CSMD2: variants seen among roughly 807,000 people sequenced by gnomAD.
The protein encoded by CSMD2 is CUB and sushi domain-containing protein 2.
A neutral mutation model predicts 398.5 loss-of-function variants in CSMD2; 130 were observed. The observed-to-expected ratio is 0.33, with a 90% CI of 0.28 to 0.38. The LOEUF is 0.38. Ranked by LOEUF, CSMD2 falls within the 10% of genes least tolerant of loss-of-function variation. The pLI is 1.00. For missense variants in CSMD2, 3,829 were observed against 4,764.9 expected (o/e 0.80, Z 5.78); for synonymous variants, 1,828 against 1,908.5 (o/e 0.96, Z 1.10).
chr1:34,153,393 T>C (rs1042805022), intron 1 of CSMD2, among the ~76,000 whole-genome samples: 17 of 152,262 alleles, frequency 1.1e-4, no homozygotes, highest in African/African-American at 4.1e-4. Flanking sequence ...ATTTCCTTGC[T>C]TTTTAAAGCT....
At chr1:33,539,607 G>A (rs1223667038) in intron 60 of CSMD2, among the ~76,000 whole-genome samples, 1 of 152,108 alleles carries the variant, frequency 6.6e-6, no homozygotes, top group Non-Finnish European at 1.5e-5. Context: ...GCTGAACTGT[G>A]GTTATCATTG....
chr1:33,835,583 C>A (rs1660124304), intron 6 of CSMD2, among the ~76,000 whole-genome samples: 1 of 126,898 alleles, frequency 7.9e-6, no homozygotes, highest in African/African-American at 3.3e-5. Context: ...AGCACACCAG[C>A]ATGGCACATG....
chr1:33,718,239 A>C (rs1224021411), intron 19 of CSMD2, among the ~76,000 whole-genome samples: 1 of 152,228 alleles, frequency 6.6e-6, no homozygotes. Flanking sequence ...GTAGTTAAGA[A>C]CAGCCAGGTA....
At chr1:33,750,034 G>A (rs1647998717) in intron 13 of CSMD2, among the ~76,000 whole-genome samples, 2 of 152,006 alleles carry the variant, frequency 1.3e-5, no homozygotes, top group Middle Eastern at 3.4e-3. Flanking sequence ...ATCAAATTCA[G>A]CCCTACAACA....
chr1:33,885,362 A>G (rs1296743981), intron 5 of CSMD2: 1 of 152,158 alleles, frequency 6.6e-6, no homozygotes, highest in Non-Finnish European at 1.5e-5. Context: ...AGGCAATGCA[A>G]TCTACCACAA....
At chr1:34,044,636 C>T (rs1480309340) in intron 2 of CSMD2, among the ~76,000 whole-genome samples, 1 of 152,204 alleles carries the variant, frequency 6.6e-6, no homozygotes, top group Non-Finnish European at 1.5e-5. Flanking sequence ...GCCCCGAGAT[C>T]TGGAGAACCA....
intron 3 of CSMD2, among the ~76,000 whole-genome samples, chr1:33,951,367 C>T (rs1014366299): frequency 1.1e-4 from 16 of 152,154 alleles, no homozygotes; most frequent in African/African-American, 3.1e-4. Context: ...TGATGAATGT[C>T]CTCCCTGCCC....
intron 13 of CSMD2, among the ~76,000 whole-genome samples, chr1:33,768,536 ATGTGTGTGTGTGTGTGTGTGTGTG>A (rs60273744): frequency 2.1e-5 from 3 of 142,252 alleles, no homozygotes; most frequent in Admixed American, 2.1e-4. Context: ...GTGTGCGTGC[ATGTGTGTGTGTGTGTGTGTGTGTG>A]TGTGTGTGTG....
intron 4 of CSMD2, among the ~76,000 whole-genome samples, chr1:33,920,276 C>A (rs1378317161): frequency 6.6e-6 from 1 of 151,864 alleles, no homozygotes; most frequent in Non-Finnish European, 1.5e-5. Flanking sequence ...TGCCTGTAAT[C>A]CCAGCAATTT....
intron 13 of CSMD2, among the ~76,000 whole-genome samples, chr1:33,761,755 A>T (rs1649843060): frequency 6.6e-6 from 1 of 152,200 alleles, no homozygotes; most frequent in African/African-American, 2.4e-5. Context: ...CCACCCACTG[A>T]AGACTGGAAA....
Position 33,635,064 on chromosome 1 carries a change from C to G in CSMD2, c.5086+150G>C, listed in dbSNP as rs568007622. On this transcript the variant is annotated intron_variant, in intron 31 of 70. Coordinates refer to ENST00000373381, the MANE Select transcript of CSMD2 (RefSeq NM_001281956.2). The surrounding 1 kb of genome is among the most constrained non-coding windows in gnomAD (Gnocchi z 5.0). ...TGTATTCTGCAGCCCGTTTGAGAAA[C>G]GTCAGCACTCGGCCGTCCTTTTGGG... 1.7e-6 allele frequency: 1 copy of G among 579,430 alleles called. No individual in the cohort carries two copies. Among genetic ancestry groups the G allele is most frequent in the African/African-American group, 1.9e-5 (1 of 53,274 alleles). The allele number at this position is 579,430 out of a possible 1,614,324, so 35.9% of individuals were successfully genotyped here.
intron 1 of CSMD2, among the ~76,000 whole-genome samples, chr1:34,105,573 T>C (rs933279048): frequency 4.6e-5 from 7 of 152,234 alleles, no homozygotes; most frequent in African/African-American, 1.7e-4. Flanking sequence ...ATCTTTGTCG[T>C]GCCATGCCCT....
chr1:33,846,097 G>A (rs1661324920), intron 6 of CSMD2, among the ~76,000 whole-genome samples: 2 of 152,240 alleles, frequency 1.3e-5, no homozygotes, highest in African/African-American at 4.8e-5. Context: ...TAAACGCAAT[G>A]TCGAAAAGGA....
At chr1:33,810,914 C>A in intron 9 of CSMD2, 50 bp from the exon 10 acceptor site, 2 of 1,594,346 alleles carry the variant, frequency 1.3e-6, no homozygotes, top group South Asian at 2.2e-5. Flanking sequence ...AGGTCCAGTT[C>A]CCCTTCTTGC....
intron 2 of CSMD2, among the ~76,000 whole-genome samples, chr1:34,074,448 T>G (rs1656089865): frequency 6.6e-6 from 1 of 152,054 alleles, no homozygotes; most frequent in Non-Finnish European, 1.5e-5. Flanking sequence ...ACCTACCCAT[T>G]GTCATTCTGC....
At chr1:34,134,094 G>T (rs939499402) in intron 1 of CSMD2, among the ~76,000 whole-genome samples, 4 of 149,134 alleles carry the variant, frequency 2.7e-5, no homozygotes, top group African/African-American at 9.9e-5. Context: ...AGCAGCTCTG[G>T]CAGCCAAACA....
chr1:33,756,756 C>T (rs886176288), intron 13 of CSMD2, among the ~76,000 whole-genome samples: 2 of 152,114 alleles, frequency 1.3e-5, no homozygotes, highest in African/African-American at 2.4e-5. Context: ...TCATGAGAGT[C>T]CAGGGATCTA....
chr1:33,692,870 T>C, intron 25 of CSMD2, 60 bp downstream of exon 25: 1 of 1,595,698 alleles, frequency 6.3e-7, no homozygotes. Flanking sequence ...CTGGTGATGA[T>C]GCTGATGATG....
intron 3 of CSMD2, among the ~76,000 whole-genome samples, chr1:33,958,646 G>A (rs370899854): frequency 1.5e-3 from 231 of 152,304 alleles, no homozygotes; most frequent in African/African-American, 5.4e-3. Flanking sequence ...CCTTGAAGAA[G>A]GAAGCCATCC....
Sources: gnomAD v4.1 joint callset for allele counts (sites outside exome capture counted in the v4.1 genomes callset) on GRCh38, gnomAD v4.1.1 for gene constraint, Gnocchi (gnomAD v3.1) non-coding constraint, MANE v1.5 for transcripts, NCBI Gene and HGNC (gene_info 2026-07-23, HGNC 2026-07-21) for gene names.